Variants in SERGEF observed in about 807,000 individuals in gnomAD.
SERGEF encodes the protein secretion regulating guanine nucleotide exchange factor.
Under a neutral mutation model 50.0 loss-of-function variants are expected in SERGEF, and 51 were observed. That is an observed-to-expected ratio of 1.02 (90% CI 0.81 to 1.29). The LOEUF (loss-of-function observed/expected upper bound fraction) is 1.29, where lower values mean the gene tolerates loss of function less well. Ranked by LOEUF, SERGEF falls within the 50% of genes most tolerant of loss-of-function variation. The pLI is 0.00. For missense variants in SERGEF, 521 were observed against 557.0 expected (o/e 0.94, Z 0.65); for synonymous variants, 205 against 212.4 (o/e 0.97, Z 0.30).
At chr11:17,979,657 T>C (rs1853452140) in intron 8 of SERGEF, among the ~76,000 whole-genome samples, 1 of 152,182 alleles carries the variant, frequency 6.6e-6, no homozygotes, top group Non-Finnish European at 1.5e-5. Flanking sequence ...ATGGGACCTG[T>C]CTATTCTTTG....
At chr11:17,812,268 C>T (rs1488380109) in intron 10 of SERGEF, among the ~76,000 whole-genome samples, 1 of 152,200 alleles carries the variant, frequency 6.6e-6, no homozygotes, top group African/African-American at 2.4e-5. Flanking sequence ...GCCTCTCAGC[C>T]CCTTAAGAGG....
chr11:17,928,498 C>A (rs1852290867), intron 9 of SERGEF, among the ~76,000 whole-genome samples: 1 of 152,172 alleles, frequency 6.6e-6, no homozygotes, highest in Non-Finnish European at 1.5e-5. Flanking sequence ...GACTTCTTAT[C>A]TGTCTCTCCC....
At position 17,788,154 on chromosome 11, in the gene SERGEF, G is replaced by T; in HGVS notation, c.1308C>A (p.Asn436Lys). ...AAGTTTCTGATTGTCTTTCCTTCCA[G>T]TTTCTCTCTTTGTCCATGGCTTTCT... Reference protein sequence around the residue: ...ESQKAMDKERNWKERQSETST... With the variant: ...ESQKAMDKERKWKERQSETST... Residue 436 changes from asparagine to lysine, a missense_variant, in exon 11 of 11, where the codon AAC (asparagine) becomes AAA (lysine). Asn to Lys is a moderately conservative substitution (Grantham distance 94). Transcript: ENST00000265965. 1 of 1,587,010 alleles carries T rather than the reference G, an allele frequency of 6.3e-7. No individual in the cohort carries two copies. Among genetic ancestry groups the T allele is most frequent in the Non-Finnish European group, 8.6e-7 (1 of 1,160,670 alleles).
chr11:17,903,225 G>A (rs1437436354), intron 9 of SERGEF, among the ~76,000 whole-genome samples: 2 of 152,156 alleles, frequency 1.3e-5, no homozygotes, highest in African/African-American at 4.8e-5. Context: ...TCACACTCTA[G>A]TCTCTCTGAA....
intron 10 of SERGEF, among the ~76,000 whole-genome samples, chr11:17,803,735 C>T (rs1477847928): frequency 1.3e-5 from 2 of 152,162 alleles, no homozygotes; most frequent in Non-Finnish European, 2.9e-5. Context: ...TTGAGGCCAG[C>T]TATTAGTGAA....
chr11:17,967,412 C>A (rs1005933049), intron 8 of SERGEF, among the ~76,000 whole-genome samples: 3 of 152,174 alleles, frequency 2.0e-5, no homozygotes, highest in Non-Finnish European at 2.9e-5. Context: ...ACAGAGAGAG[C>A]CCAGCTGATG....
At chr11:17,986,375 C>G (rs1355913106) in intron 8 of SERGEF, among the ~76,000 whole-genome samples, 1 of 152,168 alleles carries the variant, frequency 6.6e-6, no homozygotes, top group Admixed American at 6.5e-5. Context: ...CCATTCTGGC[C>G]TTAGGATAAA....
chr11:17,850,459 G>A (rs1036458618), intron 10 of SERGEF, among the ~76,000 whole-genome samples: 9 of 152,178 alleles, frequency 5.9e-5, no homozygotes, highest in African/African-American at 1.9e-4. Context: ...AAAAGACCCA[G>A]ACAGACATAT....
intron 5 of SERGEF, among the ~76,000 whole-genome samples, chr11:17,996,839 T>A (rs1853846999): frequency 6.6e-6 from 1 of 151,636 alleles, no homozygotes; most frequent in African/African-American, 2.4e-5. Context: ...AGGAAAAACT[T>A]TATAAGAGAC....
intron 10 of SERGEF, chr11:17,854,142 A>T (rs1251257808): frequency 2.0e-5 from 3 of 152,096 alleles, no homozygotes; most frequent in African/African-American, 7.2e-5. Flanking sequence ...CTATCACAAC[A>T]CCATACCCTA....
In SERGEF at chr11:17,859,686, GA is replaced by G. The variant is rs920409819; in HGVS notation, c.1048+18521del. On this transcript the variant is annotated intron_variant, in intron 10 of 10. Transcript: ENST00000265965. ...AAGAGAAGTTCCTAAGAATTTCAAG[GA>G]AAAAAAAATGGCAACGTACAAAGAA... is the stretch of plus-strand genomic sequence containing the variant. Among the ~76,000 whole-genome samples, 9 of 149,470 alleles carry G rather than the reference GA, an allele frequency of 6.0e-5. No individual in the cohort carries two copies. In the East Asian group the frequency reaches 1.2e-3, roughly 19 times the overall value.
chr11:17,927,280 C>T (rs1345908202), intron 9 of SERGEF, among the ~76,000 whole-genome samples: 1 of 152,196 alleles, frequency 6.6e-6, no homozygotes, highest in African/African-American at 2.4e-5. Flanking sequence ...TCCTGTTCAA[C>T]AAGCACTACT....
chr11:17,855,992 T>C (rs948511952), intron 10 of SERGEF: 3 of 152,238 alleles, frequency 2.0e-5, no homozygotes, highest in African/African-American at 7.2e-5. Context: ...TGGTCATCTG[T>C]ACTTTGCAGG....
intron 9 of SERGEF, among the ~76,000 whole-genome samples, chr11:17,937,909 C>T (rs1179587515): frequency 6.6e-6 from 1 of 152,162 alleles, no homozygotes; most frequent in African/African-American, 2.4e-5. Flanking sequence ...CCCATCCTTC[C>T]TGCCTAGTAC....
intron 4 of SERGEF, among the ~76,000 whole-genome samples, chr11:18,001,370 T>A (rs1313450517): frequency 6.6e-6 from 1 of 152,048 alleles, no homozygotes; most frequent in Non-Finnish European, 1.5e-5. Flanking sequence ...TGACTCAGAG[T>A]CTAGGCGAAA....
intron 9 of SERGEF, among the ~76,000 whole-genome samples, chr11:17,957,936 T>C (rs1426235313): frequency 1.3e-5 from 2 of 152,166 alleles, no homozygotes; most frequent in African/African-American, 4.8e-5. Flanking sequence ...TTGGTACAAC[T>C]TGTAGAAGTA....
intron 8 of SERGEF, among the ~76,000 whole-genome samples, chr11:17,967,863 C>T (rs750697380): frequency 2.6e-5 from 4 of 152,190 alleles, no homozygotes; most frequent in Non-Finnish European, 5.9e-5. Context: ...CCTGCAACAC[C>T]TGTCAGCCTG....
intron 9 of SERGEF, among the ~76,000 whole-genome samples, chr11:17,956,091 C>T (rs1249505461): frequency 6.6e-6 from 1 of 152,162 alleles, no homozygotes; most frequent in Non-Finnish European, 1.5e-5. Context: ...TAAGGTAAAA[C>T]TGACAGAGAA....
chr11:17,890,239 G>A (rs1358792216), intron 9 of SERGEF, among the ~76,000 whole-genome samples: 6 of 152,152 alleles, frequency 3.9e-5, no homozygotes, highest in African/African-American at 1.4e-4. Context: ...CAATGGGTCG[G>A]TTTCATACAG....
Sources: allele counts gnomAD v4.1 joint callset (sites outside exome capture counted in the v4.1 genomes callset), GRCh38; gene constraint gnomAD v4.1.1; transcripts MANE v1.5; gene names NCBI Gene and HGNC (gene_info 2026-07-23, HGNC 2026-07-21).